Variants in TTN observed in about 807,000 individuals in gnomAD.
The protein encoded by TTN is titin, also known as connectin.
A neutral mutation model predicts 3,223.0 loss-of-function variants in TTN; 1,525 were observed. The observed-to-expected ratio is 0.47, with a 90% CI of 0.45 to 0.49. TTN has a LOEUF of 0.49. Among genes scored for constraint, TTN ranks in the 20% least tolerant of loss-of-function variants. The pLI is 0.00. For missense variants in TTN, 40,786 were observed against 43,424.0 expected (o/e 0.94, Z 5.40); for synonymous variants, 14,094 against 15,161.0 (o/e 0.93, Z 5.17).
Position 178,729,840 on chromosome 2 carries a change from G to A in TTN, c.18413C>T (p.Ser6138Phe). ...TATTTCATTCCCGTCTAGATACCAA[G>A]ACACTCGGATTTTAGGAGTGCCTGT... ...QITGTPKIRV[S>F]WYLDGNEITA... Residue 6138 changes from serine to phenylalanine, a missense_variant, in exon 63 of 363, where the codon TCT (serine) becomes TTT (phenylalanine). Coordinates refer to ENST00000589042, the MANE Select transcript of TTN (RefSeq NM_001267550.2). The A allele has an allele frequency of 6.2e-7, 1 of 1,613,662 alleles. No individual in the cohort carries two copies. Among genetic ancestry groups the A allele is most frequent in the South Asian group, 1.1e-5 (1 of 91,082 alleles).
At position 178,558,528 on chromosome 2, in the gene TTN, A is replaced by G. The variant is rs769100292; in HGVS notation, c.86931T>C (p.Tyr28977=). 3.1e-6 allele frequency: 5 copies of G among 1,613,686 alleles called. No homozygotes were observed. Among genetic ancestry groups the G allele is most frequent in the South Asian group, 2.2e-5 (2 of 91,082 alleles). The change falls in exon 327 of 363, where the codon TAT becomes TAC. Residue 28977 remains tyrosine, a synonymous_variant. Transcript: ENST00000589042. ...EHDGGSRIVH[Y]VVEALEKGQK... Reference sequence around the variant, plus strand: ...GTCCTTTTTCTAGTGCTTCAACGACATAGTGTACAATTCTGCTTCCGCCAT... The same window carrying G: ...GTCCTTTTTCTAGTGCTTCAACGACGTAGTGTACAATTCTGCTTCCGCCAT...
chr2:178,691,170 G>A (rs890479557), intron 121 of TTN, among the ~76,000 whole-genome samples: 6 of 152,134 alleles, frequency 3.9e-5, no homozygotes, highest in African/African-American at 1.4e-4. Flanking sequence ...GCAAAGTCAG[G>A]CCAAGGGAAC....
chr2:178,748,919 G>C (rs779030680), intron 47 of TTN: 4 of 1,612,276 alleles, frequency 2.5e-6, no homozygotes, highest in East Asian at 2.2e-5. Context: ...TAATGAAAAG[G>C]CTTTGTCATC....
In TTN at chr2:178,559,787, G is replaced by A. The variant is rs561319491; in HGVS notation, c.86345C>T (p.Pro28782Leu). 42 of 1,606,984 alleles carry A rather than the reference G, an allele frequency of 2.6e-5. No individual in the cohort carries two copies. The highest frequency in any genetic ancestry group is 3.4e-5 in the Non-Finnish European group (40 of 1,177,238). ...FTMTVPFRGR[P>L]VPNVLWSKPD... ...CTTACTCCACAAGACATTGGGTACT[G>A]GTCTTCCTCGGAAAGGCACAGTCAT... The change falls in exon 326 of 363, where the codon CCA becomes CTA. Residue 28782 changes from proline (P) to leucine (L), a missense_variant. Physicochemically the swap from Pro to Leu is moderately conservative, Grantham distance 98 (BLOSUM62 -3). Transcript: ENST00000589042.
rs374348069 is a variant in TTN at position 178,688,680 on chromosome 2, C to T, written c.32194G>A (p.Glu10732Lys). Residue 10732 changes from glutamate (E) to lysine (K), a missense_variant, in exon 126 of 363, where the codon GAA becomes AAA. Coordinates refer to ENST00000589042, the MANE Select transcript of TTN (RefSeq NM_001267550.2). Reference protein sequence around the residue: ...VPQRVEVTRHEVSAEEEWSYS... With the variant: ...VPQRVEVTRHKVSAEEEWSYS... ...CCCCTGACTTCCGATTATATACCTT[C>T]GTGCCGCGTGACTTCCACTCTTTGA... The T allele has an allele frequency of 3.2e-5, 52 of 1,610,186 alleles. No individual in the cohort carries two copies. The highest frequency in any genetic ancestry group is 1.9e-4 in the African/African-American group (14 of 74,824).
At position 178,786,013 on chromosome 2, in the gene TTN, G is replaced by A. The variant is rs1005406948; in HGVS notation, c.2205C>T (p.Tyr735=). 33 of 1,613,966 alleles carry A rather than the reference G, an allele frequency of 2.0e-5. No individual in the cohort carries two copies. Among genetic ancestry groups the A allele is most frequent in the South Asian group, 7.7e-5 (7 of 91,080 alleles). The change falls in exon 14 of 363, where the codon TAC becomes TAT. Residue 735 remains tyrosine (Y), a synonymous_variant. Transcript: ENST00000589042. ...CGGCGGAAATGCGTTCCTTATATCC[G>A]TACTCCAAAGTGGTCTGCTGAGCAT... is the stretch of plus-strand genomic sequence containing the variant. ...ESYAQQTTLE[Y]GYKERISAAK...
At position 178,786,131 on chromosome 2, in the gene TTN, C is replaced by T. The variant is rs770547410; in HGVS notation, c.2087G>A (p.Gly696Glu). 6.2e-7 allele frequency: 1 copy of T among 1,613,736 alleles called. No homozygotes were observed. The highest frequency in any genetic ancestry group is 8.5e-7 in the Non-Finnish European group (1 of 1,179,950). Residue 696 changes from glycine to glutamate, a missense_variant, in exon 14 of 363, where the codon GGA becomes GAA. By Grantham distance (98) the Gly-to-Glu change is moderately conservative. Coordinates refer to ENST00000589042, the MANE Select transcript of TTN (RefSeq NM_001267550.2). ...TGTTGCTACAGCTTCAGCCTTTTTTCCAACGTCCACCTGGAGACAAGGTTT... is the reference window on the plus strand; with the variant it reads ...TGTTGCTACAGCTTCAGCCTTTTTTTCAACGTCCACCTGGAGACAAGGTTT... ...IQVTHGKVDV[G>E]KKAEAVATVV...
chr2:178,663,928 T>C, intron 169 of TTN, 26 bp from the exon 170 acceptor site: 1 of 1,612,886 alleles, frequency 6.2e-7, no homozygotes, highest in Non-Finnish European at 8.5e-7. Flanking sequence ...TGAAATTACA[T>C]TTAGGTGTTA....
In TTN at chr2:178,683,984, T is replaced by TTA; in HGVS notation, c.32806+14_32806+15insTA. On this transcript the variant is annotated intron_variant, in intron 133 of 362. Transcript: ENST00000589042. ...CTTATTTTGATTTTTTTTTTTTTTT[T>TTA]AAGAGTCAGTATACCTTTAGCTGGT... 6.6e-7 allele frequency: 1 copy of TTA among 1,511,898 alleles called. No individual in the cohort carries two copies. Among genetic ancestry groups the TTA allele is most frequent in the Non-Finnish European group, 8.9e-7 (1 of 1,125,918 alleles). 93.7% of individuals were successfully genotyped at this position (1,511,898 alleles called of 1,614,324 possible).
rs376039623 is a variant in TTN at position 178,543,858 on chromosome 2, C to T, written c.96286G>A (p.Ala32096Thr). The change falls in exon 346 of 363, where the codon GCA becomes ACA. Residue 32096 changes from alanine to threonine, a missense_variant. Ala to Thr is a moderately conservative substitution (Grantham distance 58). Transcript: ENST00000589042. ...EAENQSGKKSATVLVKVYDTP... is the reference protein window; with the variant it reads ...EAENQSGKKSTTVLVKVYDTP... ...CCATAGACTTTAACAAGGACTGTTGCTGATTTCTTGCCAGATTGGTTTTCA... is the reference window on the plus strand; with the variant it reads ...CCATAGACTTTAACAAGGACTGTTGTTGATTTCTTGCCAGATTGGTTTTCA... 61 of 1,613,556 alleles carry T rather than the reference C, an allele frequency of 3.8e-5. No homozygotes were observed. Among genetic ancestry groups the T allele is most frequent in the Admixed American group, 2.0e-4 (12 of 59,994 alleles).
rs1553542686 is a variant in TTN at position 178,553,548 on chromosome 2, T to C, written c.89457A>G (p.Gly29819=). The change falls in exon 334 of 363, where the codon GGA becomes GGG. Residue 29819 remains glycine (G), a synonymous_variant. Coordinates refer to ENST00000589042, the MANE Select transcript of TTN (RefSeq NM_001267550.2). The part of the protein sequence containing the change: ...RVSAVNCAGQ[G]EPIEMNEPVQ... ...CAGGTTCATTCATTTCTATAGGTTC[T>C]CCTTGTCCAGCACAGTTTACAGCAG... 6.2e-7 allele frequency: 1 copy of C among 1,613,840 alleles called. No individual in the cohort carries two copies. The highest frequency in any genetic ancestry group is 8.5e-7 in the Non-Finnish European group (1 of 1,179,756).
chr2:178,679,981 A>T lies in TTN; in HGVS notation c.33493T>A (p.Tyr11165Asn), dbSNP rs1226905396. Residue 11165 changes from tyrosine (Y) to asparagine (N), a missense_variant, in exon 140 of 363, where the codon TAT becomes AAT. Physicochemically the swap from Tyr to Asn is moderately radical, Grantham distance 143. Coordinates refer to ENST00000589042, the MANE Select transcript of TTN (RefSeq NM_001267550.2). ...TACTCTTCTTCTTCTTCTACAAGATATTCTTCTACATGGGTTACAACTTCC... is the reference window on the plus strand; with the variant it reads ...TACTCTTCTTCTTCTTCTACAAGATTTTCTTCTACATGGGTTACAACTTCC... ...EEEVVTHVEE[Y>N]LVEEEEEYIH... 9 of 1,613,032 alleles carry T rather than the reference A, an allele frequency of 5.6e-6. No homozygotes were observed. In the African/African-American group the frequency reaches 1.2e-4, roughly 22 times the overall value.
chr2:178,719,486 A>G lies in TTN; in HGVS notation c.23939-35T>C, dbSNP rs750153009. ...GAAGGGTAGTTTTGCGTTTAAAGAG[A>G]AGTTTTATTCTGTGCCCCTCCACCC... On this transcript the variant is annotated intron_variant, in intron 82 of 362. Transcript: ENST00000589042. 8 of 1,594,588 alleles carry G rather than the reference A, an allele frequency of 5.0e-6. No homozygotes were observed. The South Asian group carries it at 8.0e-5, about 16-fold the overall frequency.
At chr2:178,788,075 A>G (rs10497523) in intron 13 of TTN, among the ~76,000 whole-genome samples, 95,405 of 151,980 alleles carry the variant, frequency 0.63, 30,709 homozygotes, top group East Asian at 0.87. Flanking sequence ...GATCAGTTAA[A>G]CAATTAGATG....
intron 292 of TTN, 140 bp from the exon 293 acceptor site, chr2:178,598,198 A>C: frequency 5.0e-6 from 5 of 994,352 alleles, no homozygotes; most frequent in Non-Finnish European, 7.4e-6. Flanking sequence ...TTTAGGGATC[A>C]GATATTACAG....
rs1408164774 is a variant in TTN at position 178,701,590 on chromosome 2, G to A, written c.30539-3C>T. 6.2e-7 allele frequency: 1 copy of A among 1,613,510 alleles called. No individual in the cohort carries two copies. Among genetic ancestry groups the A allele is most frequent in the Non-Finnish European group, 8.5e-7 (1 of 1,179,554 alleles). On this transcript the variant is annotated splice_polypyrimidine_tract_variant and splice_region_variant and intron_variant, in intron 109 of 362. Coordinates refer to ENST00000589042, the MANE Select transcript of TTN (RefSeq NM_001267550.2). The stretch of plus-strand genomic sequence containing the variant: ...TGGAACTCTGGAGTCAGGAATATCT[G>A]GAAAGGGACATGTAATAAGCATAGA...
At position 178,784,647 on chromosome 2, in the gene TTN, C is replaced by T. The variant is rs79101666; in HGVS notation, c.2494-296G>A. Among the ~76,000 whole-genome samples the T allele has an allele frequency of 0.015, 2,303 of 152,210 alleles. 59 individuals are homozygous for T. The highest frequency in any genetic ancestry group is 0.052 in the African/African-American group (2,148 of 41,536). ...GACAGGATCTTCTAAAGCTTAGTCA[C>T]GAATTTTCACTTAACCATTCCGATG... On this transcript the variant is annotated intron_variant, in intron 15 of 362. Transcript: ENST00000589042.
In TTN at chr2:178,647,402, G is replaced by A; in HGVS notation, c.40120C>T (p.Pro13374Ser). ...KEVSVPIPAEPEVPPAEVEET... is the reference protein window; with the variant it reads ...KEVSVPIPAESEVPPAEVEET... Reference sequence around the variant, plus strand: ...GTACCTTCAGCAGGTGGAACTTCTGGCTCTGCAGGGATAGGCACAGACACT... The same window carrying A: ...GTACCTTCAGCAGGTGGAACTTCTGACTCTGCAGGGATAGGCACAGACACT... Residue 13374 changes from proline (P) to serine (S), a missense_variant, in exon 214 of 363, where the codon CCA becomes TCA. Pro to Ser is a moderately conservative substitution (Grantham distance 74). Coordinates refer to ENST00000589042, the MANE Select transcript of TTN (RefSeq NM_001267550.2). 1 of 1,549,602 alleles carries A rather than the reference G, an allele frequency of 6.5e-7. No individual in the cohort carries two copies. Among genetic ancestry groups the A allele is most frequent in the Non-Finnish European group, 8.7e-7 (1 of 1,146,418 alleles).
chr2:178,558,072 T>C lies in TTN; in HGVS notation c.87282A>G (p.Glu29094=), dbSNP rs1229447388. ...PLKATMRFNT[E]ITAENLTINL... is the part of the protein sequence containing the mutation. Reference sequence around the variant, plus strand: ...TGATGGTCAGGTTCTCAGCAGTAATTTCGGTATTAAATCTCATGGTTGCCT... The same window carrying C: ...TGATGGTCAGGTTCTCAGCAGTAATCTCGGTATTAAATCTCATGGTTGCCT... The change falls in exon 328 of 363, where the codon GAA becomes GAG. Residue 29094 remains glutamate, a synonymous_variant. Transcript: ENST00000589042. 6.2e-7 allele frequency: 1 copy of C among 1,613,906 alleles called. No individual in the cohort carries two copies.
Sources: allele counts gnomAD v4.1 joint callset (sites outside exome capture counted in the v4.1 genomes callset), GRCh38; gene constraint gnomAD v4.1.1; transcripts MANE v1.5; gene names NCBI Gene and HGNC (gene_info 2026-07-23, HGNC 2026-07-21).